Variants in SLC26A1 observed in about 807,000 individuals in gnomAD.
SLC26A1 encodes the protein solute carrier family 26 member 1, also known as sulfate anion transporter 1.
SLC26A1 carries 18 observed loss-of-function variants against 14.5 expected under a neutral mutation model. That is an observed-to-expected ratio of 1.24 (90% CI 0.86 to 1.84). The LOEUF is 1.84. SLC26A1 is among the 40% of genes most tolerant of loss of function. The pLI, the probability that SLC26A1 is intolerant of heterozygous loss-of-function variation, is 0.00. For synonymous variants in SLC26A1, 505 were observed against 492.0 expected (o/e 1.03, Z -0.35); for missense variants, 1,049 against 1,020.0 (o/e 1.03, Z -0.39).
Position 989,288 on chromosome 4 carries a change from T to A in SLC26A1, c.1651A>T (p.Lys551Ter). 6.2e-7 allele frequency: 1 copy of A among 1,612,620 alleles called. No individual in the cohort carries two copies. Among genetic ancestry groups the A allele is most frequent in the Non-Finnish European group, 8.5e-7 (1 of 1,179,840 alleles). ...TAGAGTGACTGCAGGAAGAAGTCCT[T>A]GTTGGCATAGTACAGCGGCCCCCCA... ...RFGGPLYYAN[K>*]DFFLQSLYSL... Residue 551 changes from lysine (K) to a stop codon, truncating the protein, a stop_gained, in exon 3 of 3, where the codon AAG becomes TAG. Transcript: ENST00000398516. LOFTEE classifies it low-confidence loss of function (END_TRUNC).
chr4:980,133 T>A (rs1713494537), intron 2 of SLC26A1, among the ~76,000 whole-genome samples: 1 of 152,158 alleles, frequency 6.6e-6, no homozygotes, highest in African/African-American at 2.4e-5. Context: ...GCGACTTCCC[T>A]GGGCCCTGGG....
chr4:989,908 T>C lies in SLC26A1; in HGVS notation c.1031A>G (p.Asp344Gly), dbSNP rs1388674093. 2 of 1,563,494 alleles carry C rather than the reference T, an allele frequency of 1.3e-6. No individual in the cohort carries two copies. The highest frequency in any genetic ancestry group is 2.4e-5 in the East Asian group (1 of 42,150). The change falls in exon 3 of 3, where the codon GAT becomes GGT. Residue 344 changes from aspartate to glycine, a missense_variant. By Grantham distance (94) the Asp-to-Gly change is moderately conservative. Coordinates refer to ENST00000398516, the MANE Select transcript of SLC26A1 (RefSeq NM_022042.4). ...EPRLMQRVAL[D>G]AVALALVAAA... is the part of the protein sequence containing the mutation. ...AGCCACGAGGGCCAGGGCCACGGCA[T>C]CCAAAGCCACACGCTGCATCAGCCT...
At chr4:993,112 C>T (rs1714498956) in intron 1 of SLC26A1, among the ~76,000 whole-genome samples, 189 bp downstream of exon 1, 1 of 152,136 alleles carries the variant, frequency 6.6e-6, no homozygotes, top group African/African-American at 2.4e-5. Context: ...CCCCACCACA[C>T]TGGGTCCCTG....
chr4:989,186 C>G lies in SLC26A1; in HGVS notation c.1753G>C (p.Gly585Arg). Residue 585 changes from glycine (G) to arginine (R), a missense_variant, in exon 3 of 3, where the codon GGA (glycine) becomes CGA (arginine). Physicochemically the swap from Gly to Arg is moderately radical, Grantham distance 125. Coordinates refer to ENST00000398516, the MANE Select transcript of SLC26A1 (RefSeq NM_022042.4). ...EGGSETGVGE[G>R]GPAQGEDLGP... ...AGGTCCTCGCCCTGGGCAGGGCCTC[C>G]CTCACCGACCCCCGTCTCTGAGCCC... 6.2e-7 allele frequency: 1 copy of G among 1,607,550 alleles called. No homozygotes were observed. The highest frequency in any genetic ancestry group is 1.1e-5 in the South Asian group (1 of 90,698).
rs1478079542 is a variant in SLC26A1, at chr4:990,036, C to T, written c.903G>A (p.Val301=). 1.6e-5 allele frequency: 25 copies of T among 1,597,506 alleles called. No homozygotes were observed. Among genetic ancestry groups the T allele is most frequent in the Non-Finnish European group, 2.0e-5 (23 of 1,174,184 alleles). Residue 301 remains valine, a synonymous_variant, in exon 3 of 3, where the codon GTG becomes GTA. Transcript: ENST00000398516. ...PLPTELLVIV[V]ATLVSHFGQL... ...GCCCGAAGTGCGACACGAGTGTGGCCACCACGATGACCAGCAGCTCCGTGG... is the reference window on the plus strand; with the variant it reads ...GCCCGAAGTGCGACACGAGTGTGGCTACCACGATGACCAGCAGCTCCGTGG...
chr4:991,982 G>C lies in SLC26A1; in HGVS notation c.-27-252C>G, dbSNP rs1407347311. 1.4e-5 allele frequency: 10 copies of C among 716,728 alleles called. No homozygotes were observed. In the East Asian group the frequency reaches 2.8e-4, roughly 20 times the overall value. The allele number at this position is 716,728 out of a possible 1,614,324, so 44.4% of individuals were successfully genotyped here. On this transcript the variant is annotated intron_variant, in intron 1 of 2. Coordinates refer to ENST00000398516, the MANE Select transcript of SLC26A1 (RefSeq NM_022042.4). ...ACACCAAGCCCATGCCATGGGGTGTGCTGAGGCCAGCAGTGCTGAGGGGCG... is the reference window on the plus strand; with the variant it reads ...ACACCAAGCCCATGCCATGGGGTGTCCTGAGGCCAGCAGTGCTGAGGGGCG...
At chr4:980,659 A>G (rs1340290344) in intron 2 of SLC26A1, among the ~76,000 whole-genome samples, 2 of 151,814 alleles carry the variant, frequency 1.3e-5, no homozygotes, top group Non-Finnish European at 2.9e-5. Context: ...AATTCTACGC[A>G]CCTTGAGATA....
At position 991,763 on chromosome 4, in the gene SLC26A1, C is replaced by A; in HGVS notation, c.-27-33G>T. 5.2e-6 allele frequency: 8 copies of A among 1,526,370 alleles called. No homozygotes were observed. In the South Asian group the frequency reaches 9.6e-5, roughly 18 times the overall value. The allele number at this position is 1,526,370 out of a possible 1,614,324, so 94.6% of individuals were successfully genotyped here. A position where few individuals can be genotyped will look rare whatever the true frequency, so the allele number is the denominator to read the frequency against. On this transcript the variant is annotated intron_variant, in intron 1 of 2. Transcript: ENST00000398516. ...CGAGAAGAGGGCATGGTCACAGGAG[C>A]CCCCGGATCCAGGGCCAAACGACAA...
chr4:979,651 G>C, intron 2 of SLC26A1: 1 of 1,006,324 alleles, frequency 9.9e-7, no homozygotes. Context: ...CGGGGTGGGA[G>C]CCCTTGTGGT....
chr4:989,531 C>G lies in SLC26A1; in HGVS notation c.1408G>C (p.Asp470His). 1 of 1,557,742 alleles carries G rather than the reference C, an allele frequency of 6.4e-7. No individual in the cohort carries two copies. Among genetic ancestry groups the G allele is most frequent in the Non-Finnish European group, 8.7e-7 (1 of 1,151,788 alleles). ...GCGGTGCCTGCCCAGACCAGCGCGT[C>G]AGCCGGGCTCATCCGCCACAGCCGC... Reference protein sequence around the residue: ...LPRLWRMSPADALVWAGTAAT... With the variant: ...LPRLWRMSPAHALVWAGTAAT... The change falls in exon 3 of 3, where the codon GAC (aspartate) becomes CAC (histidine). Residue 470 changes from aspartate to histidine, a missense_variant. Asp to His is a moderately conservative substitution (Grantham distance 81). Transcript: ENST00000398516.
At chr4:981,075 C>G (rs1713526078) in intron 2 of SLC26A1, among the ~76,000 whole-genome samples, 1 of 152,210 alleles carries the variant, frequency 6.6e-6, no homozygotes, top group African/African-American at 2.4e-5. Context: ...TCACGTCACG[C>G]AGACACGGCC....
rs537321527 is a variant in SLC26A1 at position 991,287 on chromosome 4, C to A, written c.417G>T (p.Arg139=). 12 of 1,612,612 alleles carry A rather than the reference C, an allele frequency of 7.4e-6. No individual in the cohort carries two copies. Among genetic ancestry groups the A allele is most frequent in the Non-Finnish European group, 8.5e-6 (10 of 1,179,900 alleles). The change falls in exon 2 of 3, where the codon CGG becomes CGT. Residue 139 remains arginine, a synonymous_variant. Coordinates refer to ENST00000398516, the MANE Select transcript of SLC26A1 (RefSeq NM_022042.4). ...GGTCAAAGCCGGCCAGCTGGAGCTC[C>A]CGGTCCACCACCTGCCCCACCATGA... is the stretch of plus-strand genomic sequence containing the variant. ...LCLMVGQVVD[R]ELQLAGFDPS...
Position 989,232 on chromosome 4 carries a change from C to T in SLC26A1, c.1707G>A (p.Met569Ile). The T allele has an allele frequency of 6.2e-7, 1 of 1,612,412 alleles. No homozygotes were observed. Among genetic ancestry groups the T allele is most frequent in the Non-Finnish European group, 8.5e-7 (1 of 1,179,706 alleles). Residue 569 changes from methionine to isoleucine, a missense_variant, in exon 3 of 3, where the codon ATG becomes ATA. Met to Ile is a conservative substitution (Grantham distance 10). Transcript: ENST00000398516. ...YSLTGLDAGCMAARRKEGGSE... is the reference protein window; with the variant it reads ...YSLTGLDAGCIAARRKEGGSE... ...AGCCCCCCTCCTTCCTCCTGGCAGC[C>T]ATGCACCCTGCGTCCAGCCCCGTGA... is the stretch of plus-strand genomic sequence containing the variant.
intron 2 of SLC26A1, among the ~76,000 whole-genome samples, chr4:981,725 G>A (rs1310988778): frequency 6.6e-6 from 1 of 152,224 alleles, no homozygotes; most frequent in African/African-American, 2.4e-5. Flanking sequence ...CTTCTTAGCC[G>A]GCTGGCGTCT....
At chr4:987,057 G>A (rs1713770592), downstream of SLC26A1, 1 of 1,514,118 alleles carries the variant, frequency 6.6e-7, no homozygotes, top group East Asian at 2.7e-5. Context: ...GCAGCCCGAA[G>A]CCCCGCAGTC....
downstream of SLC26A1, chr4:987,092 C>A (rs1333424959): frequency 4.8e-6 from 7 of 1,471,834 alleles, no homozygotes; most frequent in African/African-American, 8.8e-5. Flanking sequence ...GCCATGCGTC[C>A]CCTGCGCCCC....
At chr4:986,366 A>G (rs1218507656), downstream of SLC26A1, among the ~76,000 whole-genome samples, 1 of 152,200 alleles carries the variant, frequency 6.6e-6, no homozygotes. Flanking sequence ...GCAGGTGCTC[A>G]AGTACTTGAT....
chr4:984,901 C>G (rs911180615), downstream of SLC26A1, among the ~76,000 whole-genome samples: 1 of 151,962 alleles, frequency 6.6e-6, no homozygotes, highest in Non-Finnish European at 1.5e-5. Context: ...TGTGAATGTC[C>G]CCATCATGCA....
chr4:986,959 C>A (rs926458206), downstream of SLC26A1: 2 of 730,986 alleles, frequency 2.7e-6, no homozygotes, highest in Admixed American at 2.2e-5. Context: ...TCCCACCCGG[C>A]CATCGCCCCC....
Sources: allele counts gnomAD v4.1 joint callset (sites outside exome capture counted in the v4.1 genomes callset), GRCh38; gene constraint gnomAD v4.1.1; transcripts MANE v1.5; gene names NCBI Gene and HGNC (gene_info 2026-07-23, HGNC 2026-07-21).